The following IGF2BP3 variants were observed in gnomAD, a reference collection of about 807,000 sequenced individuals.
IGF2BP3 encodes insulin like growth factor 2 mRNA binding protein 3.
In IGF2BP3, 9 loss-of-function variants were observed where a neutral mutation model predicts 73.8. The observed-to-expected ratio is 0.12, with a 90% CI of 0.07 to 0.21. The LOEUF (loss-of-function observed/expected upper bound fraction) is 0.21. Ranked by LOEUF, IGF2BP3 falls within the 10% of genes least tolerant of loss-of-function variation. IGF2BP3 has a pLI of 1.00. For missense variants in IGF2BP3, 542 were observed against 714.0 expected, an observed-to-expected ratio of 0.76 and a Z score of 2.75; for synonymous variants, 258 against 256.7, an observed-to-expected ratio of 1.01 and a Z score of -0.05.
chr7:23,395,208 A>G (rs956776583), intron 3 of IGF2BP3, among the ~76,000 whole-genome samples: 41 of 152,290 alleles, frequency 2.7e-4, no homozygotes, highest in Admixed American at 2.7e-3. Context: ...AACTTTCCCC[A>G]AAATAGAAAG....
chr7:23,443,781 G>C (rs1411066285), intron 2 of IGF2BP3, among the ~76,000 whole-genome samples: 5 of 152,024 alleles, frequency 3.3e-5, no homozygotes, highest in Non-Finnish European at 5.9e-5. Flanking sequence ...AGGCCAAGGA[G>C]GGTGGATCAC....
chr7:23,420,478 AAAAAG>A (rs1436460514), intron 2 of IGF2BP3, among the ~76,000 whole-genome samples: 1 of 152,190 alleles, frequency 6.6e-6, no homozygotes, highest in African/African-American at 2.4e-5. Context: ...AACCTGTCTC[AAAAAG>A]AAAAGAGAAG....
At position 23,351,408 on chromosome 7, in the gene IGF2BP3, A is replaced by G; in HGVS notation, c.580T>C (p.Cys194Arg). The G allele has an allele frequency of 6.2e-7, 1 of 1,613,716 alleles. No homozygotes were observed. Among genetic ancestry groups the G allele is most frequent in the Non-Finnish European group, 8.5e-7 (1 of 1,179,856 alleles). The change falls in exon 6 of 15, where the codon TGT becomes CGT. Residue 194 changes from cysteine (C) to arginine (R), a missense_variant. Physicochemically the swap from Cys to Arg is radical, Grantham distance 180. This residue lies in a region of IGF2BP3 where 239 missense variants were observed against 241.9 expected (regional missense o/e 0.99). Transcript: ENST00000258729. The part of the protein sequence containing the change: ...SPGSVSKQKP[C>R]DLPLRLLVPT... ...ACCAGCAGGCGCAGAGGCAAATCAC[A>G]TGGTTTCTGCTTGGATACGGATCCT...
intron 10 of IGF2BP3, among the ~76,000 whole-genome samples, chr7:23,329,696 A>C (rs927037054): frequency 6.6e-6 from 1 of 152,196 alleles, no homozygotes; most frequent in South Asian, 2.1e-4. Flanking sequence ...GTTGAGGCAA[A>C]AATAACTTTG....
intron 5 of IGF2BP3, among the ~76,000 whole-genome samples, chr7:23,357,845 C>T (rs1327487952): frequency 6.6e-6 from 1 of 152,134 alleles, no homozygotes. Context: ...CTTAAAGATA[C>T]AGCCGTATTT....
intron 13 of IGF2BP3, 101 bp downstream of exon 13, chr7:23,313,421 G>T: frequency 7.4e-7 from 1 of 1,360,404 alleles, no homozygotes. Flanking sequence ...AGATGGTCCT[G>T]CTTTTTATAA....
chr7:23,375,235 T>C (rs1785681782), intron 3 of IGF2BP3, among the ~76,000 whole-genome samples: 1 of 152,072 alleles, frequency 6.6e-6, no homozygotes, highest in Admixed American at 6.6e-5. Flanking sequence ...CTTGCTACCC[T>C]CCCCCACCAC....
At chr7:23,447,594 A>G (rs1019428818) in intron 2 of IGF2BP3, among the ~76,000 whole-genome samples, 27 of 152,144 alleles carry the variant, frequency 1.8e-4, no homozygotes, top group Admixed American at 9.2e-4. Context: ...ACTGCAGTCC[A>G]GCCTAGACAA....
chr7:23,397,320 G>T (rs1004964212), intron 3 of IGF2BP3, among the ~76,000 whole-genome samples: 1 of 152,228 alleles, frequency 6.6e-6, no homozygotes, highest in Non-Finnish European at 1.5e-5. Context: ...CAAGGACAGG[G>T]AAGGAGCTCA....
rs541372950 is a variant in IGF2BP3, at chr7:23,345,558, A to G, written c.941+382T>C. Among the ~76,000 whole-genome samples the G allele has an allele frequency of 4.6e-5, 7 of 152,346 alleles. No individual in the cohort carries two copies. In the South Asian group the frequency reaches 1.4e-3, roughly 32 times the overall value. On this transcript the variant is annotated intron_variant, in intron 8 of 14. Transcript: ENST00000258729. Reference sequence around the variant, plus strand: ...AACCACCCAGCTAAGCTGCTCCTGCATTCCTAACCCACAAAAACTAGCTGA... The same window carrying G: ...AACCACCCAGCTAAGCTGCTCCTGCGTTCCTAACCCACAAAAACTAGCTGA...
chr7:23,452,822 G>C (rs528361212), intron 2 of IGF2BP3, among the ~76,000 whole-genome samples: 41 of 149,596 alleles, frequency 2.7e-4, no homozygotes, highest in Admixed American at 2.6e-3. Flanking sequence ...AAAAAGTGGG[G>C]GGCGCACAGG....
intron 5 of IGF2BP3, among the ~76,000 whole-genome samples, chr7:23,353,079 AAAAC>A (rs1785008139): frequency 6.6e-6 from 1 of 152,208 alleles, no homozygotes; most frequent in Admixed American, 6.5e-5. Flanking sequence ...AACAAAATGA[AAAAC>A]AAAAAGAAAG....
chr7:23,355,225 A>AT (rs572013397), intron 5 of IGF2BP3, among the ~76,000 whole-genome samples: 5,393 of 119,306 alleles, frequency 0.045, 118 homozygotes, highest in Middle Eastern at 0.091. Flanking sequence ...TTTTATTTTT[A>AT]TTTTTTTTTT....
At chr7:23,449,434 A>G (rs1204025278) in intron 2 of IGF2BP3, among the ~76,000 whole-genome samples, 1 of 151,882 alleles carries the variant, frequency 6.6e-6, no homozygotes, top group Non-Finnish European at 1.5e-5. Context: ...GGAAAATGGC[A>G]TGAAACCGGG....
intron 2 of IGF2BP3, among the ~76,000 whole-genome samples, chr7:23,429,188 T>G (rs1787604850): frequency 6.6e-6 from 1 of 152,220 alleles, no homozygotes; most frequent in Admixed American, 6.5e-5. Flanking sequence ...AAATAAACCA[T>G]GGGTTCATAC....
chr7:23,374,827 C>A (rs1785667310), intron 3 of IGF2BP3, among the ~76,000 whole-genome samples: 1 of 152,022 alleles, frequency 6.6e-6, no homozygotes, highest in Admixed American at 6.5e-5. Flanking sequence ...GGACAGAGTA[C>A]AAAAGAGAGA....
chr7:23,355,646 A>G lies in IGF2BP3; in HGVS notation c.402-4060T>C, dbSNP rs1161629501. Among the ~76,000 whole-genome samples the G allele has an allele frequency of 5.9e-5, 9 of 152,118 alleles. No homozygotes were observed. In the South Asian group the frequency reaches 1.9e-3, roughly 32 times the overall value. ...ATTTAAATGTATTGATAAGAAGTTT[A>G]CTGGGGCCAGGTGCAGTGGCTCATG... On this transcript the variant is annotated intron_variant, in intron 5 of 14. Coordinates refer to ENST00000258729, the MANE Select transcript of IGF2BP3 (RefSeq NM_006547.3).
At chr7:23,447,099 G>A (rs1037883708) in intron 2 of IGF2BP3, among the ~76,000 whole-genome samples, 2 of 151,804 alleles carry the variant, frequency 1.3e-5, no homozygotes, top group Non-Finnish European at 2.9e-5. Context: ...AGCTACTTGG[G>A]AGGCTGAGGG....
intron 3 of IGF2BP3, among the ~76,000 whole-genome samples, chr7:23,382,629 T>G (rs1419726876): frequency 1.3e-5 from 2 of 152,082 alleles, no homozygotes; most frequent in African/African-American, 4.8e-5. Context: ...CCATTAATTT[T>G]TATCCAATTG....
Sources: allele counts gnomAD v4.1 joint callset (sites outside exome capture counted in the v4.1 genomes callset), GRCh38; gene constraint gnomAD v4.1.1; regional missense constraint gnomAD v4.1.1; transcripts MANE v1.5; gene names NCBI Gene and HGNC (gene_info 2026-07-23, HGNC 2026-07-21).